Variants in ATXN2 observed in about 807,000 individuals in gnomAD.
The protein encoded by ATXN2 is ataxin-2.
A neutral mutation model predicts 138.6 loss-of-function variants in ATXN2; 37 were observed. The observed-to-expected ratio is 0.27, with a 90% confidence interval of 0.21 to 0.35. The LOEUF is 0.35. Among genes scored for constraint, ATXN2 ranks in the 10% least tolerant of loss-of-function variants. The pLI is 1.00. For missense variants in ATXN2, 1,216 were observed against 1,480.3 expected (o/e 0.82, Z 2.93); for synonymous variants, 549 against 543.7 (o/e 1.01, Z -0.13).
At chr12:111,497,476 T>C (rs1044901857) in intron 14 of ATXN2, among the ~76,000 whole-genome samples, 7 of 152,094 alleles carry the variant, frequency 4.6e-5, no homozygotes, top group African/African-American at 1.7e-4. Flanking sequence ...ATCCTCAATA[T>C]AATACTAGCA....
chr12:111,569,932 TGAA>T (rs766551973), intron 1 of ATXN2, among the ~76,000 whole-genome samples: 25 of 152,174 alleles, frequency 1.6e-4, no homozygotes, highest in Non-Finnish European at 3.2e-4. Flanking sequence ...TGTACAATGA[TGAA>T]GATGTCCTAT....
chr12:111,566,690 G>A (rs1195102692), intron 1 of ATXN2, among the ~76,000 whole-genome samples: 3 of 150,952 alleles, frequency 2.0e-5, no homozygotes, highest in African/African-American at 7.3e-5. Context: ...AGGCTGGAGT[G>A]CAAGGGCACA....
At chr12:111,595,120 A>T (rs967990078) in intron 1 of ATXN2, among the ~76,000 whole-genome samples, 1 of 152,228 alleles carries the variant, frequency 6.6e-6, no homozygotes, top group Non-Finnish European at 1.5e-5. Flanking sequence ...TCCATGGAAG[A>T]GCAACCTTCT....
chr12:111,586,700 C>T (rs77640557), intron 1 of ATXN2, among the ~76,000 whole-genome samples: 15,324 of 151,220 alleles, frequency 0.1, 2,582 homozygotes, highest in African/African-American at 0.35. Context: ...TTCTGTTTTT[C>T]AGTAGAGACA....
rs1885129637 is a variant in ATXN2, at chr12:111,599,171, C to T, written c.-137G>A. On this transcript the variant is annotated 5_prime_UTR_variant, in exon 1 of 25. Coordinates refer to ENST00000673436, the MANE Select transcript of ATXN2 (RefSeq NM_001372574.1). ...GCGGGTTGGCGCGGCCGGAGGGGCG[C>T]CCGGGCTGGCGAGGGGGAGAAGGAG... 2 of 1,204,918 alleles carry T rather than the reference C, an allele frequency of 1.7e-6. No individual in the cohort carries two copies. The highest frequency in any genetic ancestry group is 4.4e-5 in the Admixed American group (1 of 22,546). The allele number at this position is 1,204,918 out of a possible 1,614,324, so 74.6% of individuals were successfully genotyped here.
At chr12:111,584,092 A>T (rs1322497461) in intron 1 of ATXN2, among the ~76,000 whole-genome samples, 1 of 151,730 alleles carries the variant, frequency 6.6e-6, no homozygotes, top group Non-Finnish European at 1.5e-5. Flanking sequence ...ACTTAAAAAA[A>T]AATTTTTGGC....
chr12:111,457,414 G>A, intron 21 of ATXN2, 55 bp from the exon 22 acceptor site: 4 of 1,538,538 alleles, frequency 2.6e-6, no homozygotes, highest in South Asian at 2.5e-5. Context: ...AACCTCCATC[G>A]CTCCTCTACA....
Position 111,552,647 on chromosome 12 carries a change from T to C in ATXN2, c.421-217A>G, listed in dbSNP as rs1026875557. 2.0e-5 allele frequency: 12 copies of C among 588,832 alleles called. 1 individual carries two copies. The Admixed American group carries it at 4.5e-4, about 22-fold the overall frequency. The allele number at this position is 588,832 out of a possible 1,614,324, so 36.5% of individuals were successfully genotyped here. On this transcript the variant is annotated intron_variant, in intron 4 of 24. Transcript: ENST00000673436. The surrounding 1 kb of genome is among the most constrained non-coding windows in gnomAD (Gnocchi z 4.1). ...TTTTGTTTCTATGGTTTGTCTTAAG[T>C]ACATTAATAATAATTTTTAAGAGGA...
chr12:111,499,242 T>A (rs185938244), intron 14 of ATXN2, among the ~76,000 whole-genome samples: 3 of 152,224 alleles, frequency 2.0e-5, no homozygotes, highest in Non-Finnish European at 4.4e-5. Context: ...AAGGAAACCA[T>A]CAACAAAGTG....
intron 16 of ATXN2, 79 bp from the exon 17 acceptor site, chr12:111,485,944 GTCTT>G (rs1213183725): frequency 1.5e-5 from 21 of 1,412,696 alleles, no homozygotes; most frequent in Middle Eastern, 1.9e-4. Context: ...GATTTTCCCA[GTCTT>G]TCTAATTTTA....
chr12:111,553,476 T>A (rs1882222869), intron 3 of ATXN2, among the ~76,000 whole-genome samples: 2 of 142,192 alleles, frequency 1.4e-5, no homozygotes, highest in African/African-American at 5.3e-5. Context: ...ATAATGTAAA[T>A]GCTATGTAAA....
Position 111,453,219 on chromosome 12 carries a change from T to C in ATXN2, c.3440-379A>G. ...AGCACAATCACAGGGCGCTCTCCCC[T>C]GTTCAGGGGCTGGGGCTAACGCTAC... On this transcript the variant is annotated intron_variant, in intron 24 of 24. Coordinates refer to ENST00000673436, the MANE Select transcript of ATXN2 (RefSeq NM_001372574.1). This position sits in a 1 kb window ranked among gnomAD's most constrained non-coding sequence, Gnocchi z 5.4. The C allele has an allele frequency of 9.2e-7, 1 of 1,082,086 alleles. No homozygotes were observed. The highest frequency in any genetic ancestry group is 6.6e-5 in the East Asian group (1 of 15,086). 67.0% of individuals were successfully genotyped at this position (1,082,086 alleles called of 1,614,324 possible).
intron 10 of ATXN2, among the ~76,000 whole-genome samples, chr12:111,514,727 A>G (rs1362052612): frequency 6.6e-6 from 1 of 152,098 alleles, no homozygotes; most frequent in African/African-American, 2.4e-5. Flanking sequence ...ACCTCAAGTG[A>G]TCCACCTGCC....
In ATXN2 at chr12:111,547,864, T is replaced by G. The variant is rs557753928; in HGVS notation, c.571+4416A>C. Among the ~76,000 whole-genome samples, 4 of 149,932 alleles carry G rather than the reference T, an allele frequency of 2.7e-5. No homozygotes were observed. In the East Asian group the frequency reaches 7.8e-4, roughly 29 times the overall value. ...TTTTTTTTTTTTTTTTTTTTTTACT[T>G]TTAGCTTTATTTGTGGAGAAATCCT... On this transcript the variant is annotated intron_variant, in intron 5 of 24. Transcript: ENST00000673436.
intron 5 of ATXN2, among the ~76,000 whole-genome samples, chr12:111,535,810 C>A (rs1881129411): frequency 6.6e-6 from 1 of 151,514 alleles, no homozygotes; most frequent in Non-Finnish European, 1.5e-5. Flanking sequence ...ACCATCCCGG[C>A]TAAAACGGTG....
rs1216681859 is a variant in ATXN2 at position 111,598,067 on chromosome 12, G to A, written c.251+717C>T. The A allele has an allele frequency of 3.6e-5, 41 of 1,151,392 alleles. No homozygotes were observed. The highest frequency in any genetic ancestry group is 4.1e-5 in the Non-Finnish European group (38 of 920,060). The allele number at this position is 1,151,392 out of a possible 1,614,324, so 71.3% of individuals were successfully genotyped here. A position where few individuals can be genotyped will look rare whatever the true frequency, so the allele number is the denominator to read the frequency against. Reference sequence around the variant, plus strand: ...CCTTCCCTTCCCCAGGTGGGGGAGGGTGGAACGCTGCCGGAGGCCACATGG... The same window carrying A: ...CCTTCCCTTCCCCAGGTGGGGGAGGATGGAACGCTGCCGGAGGCCACATGG... On this transcript the variant is annotated intron_variant, in intron 1 of 24. Coordinates refer to ENST00000673436, the MANE Select transcript of ATXN2 (RefSeq NM_001372574.1). The surrounding 1 kb of genome is among the most constrained non-coding windows in gnomAD (Gnocchi z 4.5).
intron 23 of ATXN2, 33 bp downstream of exon 23, chr12:111,455,996 C>A: frequency 1.3e-6 from 2 of 1,590,796 alleles, no homozygotes; most frequent in Non-Finnish European, 1.7e-6. Flanking sequence ...TTCTACTTGG[C>A]CTTCACAGAA....
rs143842683 is a variant in ATXN2 at position 111,523,465 on chromosome 12, T to C, written c.696+1727A>G. Among the ~76,000 whole-genome samples the C allele has an allele frequency of 5.9e-3, 892 of 152,040 alleles. 10 individuals are homozygous for C. The highest frequency in any genetic ancestry group is 0.02 in the African/African-American group (825 of 41,476). ...ATGGCCAGGCATGGTGGTTCACGCC[T>C]ATAATCTCAGCACTTTGGGAGGCCG... On this transcript the variant is annotated intron_variant, in intron 6 of 24. Transcript: ENST00000673436.
At chr12:111,529,143 A>C (rs979536425) in intron 5 of ATXN2, among the ~76,000 whole-genome samples, 1 of 152,056 alleles carries the variant, frequency 6.6e-6, no homozygotes, top group African/African-American at 2.4e-5. Context: ...AAAAAAAAAA[A>C]CACTGTTGGT....
Sources: allele counts gnomAD v4.1 joint callset (sites outside exome capture counted in the v4.1 genomes callset), GRCh38; gene constraint gnomAD v4.1.1; non-coding constraint Gnocchi (gnomAD v3.1); transcripts MANE v1.5; gene names NCBI Gene and HGNC (gene_info 2026-07-23, HGNC 2026-07-21).